CTAGE1: variants seen among roughly 807,000 people sequenced by gnomAD.
CTAGE1 encodes the protein cutaneous T cell lymphoma-associated antigen 1, also known as cTAGE family member 2.
For missense variants in CTAGE1, 963 were observed against 855.9 expected (o/e 1.13, Z -1.56); for synonymous variants, 332 against 302.8 (o/e 1.10, Z -1.00).
At position 22,416,537 on chromosome 18, in the gene CTAGE1, A is replaced by G. The variant is rs2035017467; in HGVS notation, c.1275T>C (p.His425=). ...IHFYQKKIIL[H]EKKAHDNWSA... is the part of the protein sequence containing the mutation. ...ACCAATTATCATGTGCTTTTTTCTCATGGAGAATAATCTTCTTTTGATAAA... is the reference window on the plus strand; with the variant it reads ...ACCAATTATCATGTGCTTTTTTCTCGTGGAGAATAATCTTCTTTTGATAAA... The change falls in exon 1 of 1, where the codon CAT becomes CAC. Residue 425 remains histidine (H), a synonymous_variant. Transcript: ENST00000391403. 2 of 1,611,824 alleles carry G rather than the reference A, an allele frequency of 1.2e-6. No homozygotes were observed. Among genetic ancestry groups the G allele is most frequent in the African/African-American group, 2.7e-5 (2 of 74,712 alleles).
At position 22,414,743 on chromosome 18, in the gene CTAGE1, G is replaced by T. The variant is rs1295649923; in HGVS notation, c.*831C>A. On this transcript the variant is annotated 3_prime_UTR_variant, in exon 1 of 1. Coordinates refer to ENST00000391403, the MANE Select transcript of CTAGE1 (RefSeq NM_172241.3). ...GTTGGGAAAGAAGTCAGGAGAAACT[G>T]ATCTATATAATTCTGGGGCAAGTAA... is the stretch of plus-strand genomic sequence containing the variant. 1 of 703,004 alleles carries T rather than the reference G, an allele frequency of 1.4e-6. No individual in the cohort carries two copies. Among genetic ancestry groups the T allele is most frequent in the East Asian group, 2.7e-5 (1 of 37,276 alleles). 43.5% of individuals were successfully genotyped at this position (703,004 alleles called of 1,614,324 possible). A position where few individuals can be genotyped will look rare whatever the true frequency, so the allele number is the denominator to read the frequency against.
Position 22,417,497 on chromosome 18 carries a change from G to T in CTAGE1, c.315C>A (p.Asn105Lys). The part of the protein sequence containing the change: ...QSLEATCEKL[N>K]RFNSELVHEI... ...CATGCACAAGTTCAGAATTGAACCT[G>T]TTCAGCTTTTCGCAGGTTGCCTCCA... Residue 105 changes from asparagine (N) to lysine (K), a missense_variant, in exon 1 of 1, where the codon AAC (asparagine) becomes AAA (lysine). Coordinates refer to ENST00000391403, the MANE Select transcript of CTAGE1 (RefSeq NM_172241.3). 6.2e-7 allele frequency: 1 copy of T among 1,613,974 alleles called. No individual in the cohort carries two copies. The highest frequency in any genetic ancestry group is 8.5e-7 in the Non-Finnish European group (1 of 1,179,866).
In CTAGE1 at chr18:22,416,629, T is replaced by G. The variant is rs774800585; in HGVS notation, c.1183A>C (p.Thr395Pro). 1.2e-6 allele frequency: 2 copies of G among 1,613,776 alleles called. No homozygotes were observed. Among genetic ancestry groups the G allele is most frequent in the Admixed American group, 3.3e-5 (2 of 59,950 alleles). Residue 395 changes from threonine to proline, a missense_variant, in exon 1 of 1, where the codon ACT becomes CCT. By Grantham distance (38) the Thr-to-Pro change is conservative. Coordinates refer to ENST00000391403, the MANE Select transcript of CTAGE1 (RefSeq NM_172241.3). Reference protein sequence around the residue: ...SKVDEMISHATEELETYRKRA... With the variant: ...SKVDEMISHAPEELETYRKRA... ...TTTCGGTAGGTCTCCAGCTCTTCAG[T>G]GGCATGGCTGATCATTTCGTCTACT...
rs1361812200 is a variant in CTAGE1, at chr18:22,414,633, T to C, written c.*941A>G. The C allele has an allele frequency of 4.3e-6, 3 of 700,234 alleles. No homozygotes were observed. The highest frequency in any genetic ancestry group is 2.3e-4 in the Middle Eastern group (1 of 4,314). 43.4% of individuals were successfully genotyped at this position (700,234 alleles called of 1,614,324 possible). ...ATTCACCAACTGCAATTAAGCACTA[T>C]CTTAGATTTACTCCTTCCCCTTGCC... On this transcript the variant is annotated 3_prime_UTR_variant, in exon 1 of 1. Coordinates refer to ENST00000391403, the MANE Select transcript of CTAGE1 (RefSeq NM_172241.3).
In CTAGE1 at chr18:22,414,934, A is replaced by G; in HGVS notation, c.*640T>C. 1.6e-6 allele frequency: 1 copy of G among 634,304 alleles called. No individual in the cohort carries two copies. Among genetic ancestry groups the G allele is most frequent in the Non-Finnish European group, 2.8e-6 (1 of 358,672 alleles). The allele number at this position is 634,304 out of a possible 1,614,324, so 39.3% of individuals were successfully genotyped here. On this transcript the variant is annotated 3_prime_UTR_variant, in exon 1 of 1. Coordinates refer to ENST00000391403, the MANE Select transcript of CTAGE1 (RefSeq NM_172241.3). ...CATTCTTGAGGAAAACAGAGGAAAC[A>G]CGAATACTTTCTGCTATAAATGTTT... is the stretch of plus-strand genomic sequence containing the variant.
In CTAGE1 at chr18:22,414,313, G is replaced by A. The variant is rs187605329; in HGVS notation, c.*1261C>T. On this transcript the variant is annotated 3_prime_UTR_variant, in exon 1 of 1. Coordinates refer to ENST00000391403, the MANE Select transcript of CTAGE1 (RefSeq NM_172241.3). Reference sequence around the variant, plus strand: ...GGATAGTGGTGGTTCAAGGGAAGACGGAAAATGTATAGGAAGCCCCAGTGT... The same window carrying A: ...GGATAGTGGTGGTTCAAGGGAAGACAGAAAATGTATAGGAAGCCCCAGTGT... 4 of 201,614 alleles carry A rather than the reference G, an allele frequency of 2.0e-5. No individual in the cohort carries two copies. Among genetic ancestry groups the A allele is most frequent in the South Asian group, 1.4e-4 (1 of 7,032 alleles). The allele number at this position is 201,614 out of a possible 1,614,324, so 12.5% of individuals were successfully genotyped here. A position where few individuals can be genotyped will look rare whatever the true frequency, so the allele number is the denominator to read the frequency against.
At position 22,415,880 on chromosome 18, in the gene CTAGE1, C is replaced by T. The variant is rs770937924; in HGVS notation, c.1932G>A (p.Val644=). ...TTTCAGCGGGGAGAGATGAATCAGG[C>T]ACCTTTAAATTACCAAGATTATCTT... The part of the protein sequence containing the change: ...DTKDNLGNLK[V]PDSSLPAENE... The change falls in exon 1 of 1, where the codon GTG becomes GTA. Residue 644 remains valine, a synonymous_variant. Coordinates refer to ENST00000391403, the MANE Select transcript of CTAGE1 (RefSeq NM_172241.3). 9.9e-6 allele frequency: 16 copies of T among 1,613,754 alleles called. 1 individual carries two copies. Among genetic ancestry groups the T allele is most frequent in the South Asian group, 4.4e-5 (4 of 91,068 alleles).
At position 22,415,901 on chromosome 18, in the gene CTAGE1, A is replaced by G; in HGVS notation, c.1911T>C (p.Asp637=). Residue 637 remains aspartate (D), a synonymous_variant, in exon 1 of 1, where the codon GAT becomes GAC. Coordinates refer to ENST00000391403, the MANE Select transcript of CTAGE1 (RefSeq NM_172241.3). The part of the protein sequence containing the change: ...EMESSRNDTK[D]NLGNLKVPDS... The stretch of plus-strand genomic sequence containing the variant: ...CAGGCACCTTTAAATTACCAAGATT[A>G]TCTTTGGTATCATTTCTACTGGATT... 1.2e-6 allele frequency: 2 copies of G among 1,613,972 alleles called. No individual in the cohort carries two copies. The highest frequency in any genetic ancestry group is 1.7e-4 in the Middle Eastern group (1 of 6,056).
chr18:22,414,935 C>T lies in CTAGE1; in HGVS notation c.*639G>A, dbSNP rs186641739. ...ATTCTTGAGGAAAACAGAGGAAACA[C>T]GAATACTTTCTGCTATAAATGTTTT... On this transcript the variant is annotated 3_prime_UTR_variant, in exon 1 of 1. Transcript: ENST00000391403. The T allele has an allele frequency of 6.0e-5, 38 of 631,172 alleles. No homozygotes were observed. The highest frequency in any genetic ancestry group is 3.5e-4 in the African/African-American group (19 of 54,526). 39.1% of individuals were successfully genotyped at this position (631,172 alleles called of 1,614,324 possible). A position where few individuals can be genotyped will look rare whatever the true frequency, so the allele number is the denominator to read the frequency against.
chr18:22,416,251 G>T lies in CTAGE1; in HGVS notation c.1561C>A (p.Pro521Thr). ...EGPLRLSPLL[P>T]RGGGRGSRGP... ...CTGGAGCCTCTTCCTCCTCCCCGTG[G>T]AAGCAAAGGTGAGAGTCTGAGAGGA... Residue 521 changes from proline (P) to threonine (T), a missense_variant, in exon 1 of 1, where the codon CCA becomes ACA. Pro to Thr is a conservative substitution (Grantham distance 38). Transcript: ENST00000391403. 6.2e-7 allele frequency: 1 copy of T among 1,613,944 alleles called. No individual in the cohort carries two copies. The highest frequency in any genetic ancestry group is 8.5e-7 in the Non-Finnish European group (1 of 1,179,862).
chr18:22,415,697 A>T lies in CTAGE1; in HGVS notation c.2115T>A (p.Ser705=), dbSNP rs369124750. Residue 705 remains serine (S), a synonymous_variant, in exon 1 of 1, where the codon TCT becomes TCA. Coordinates refer to ENST00000391403, the MANE Select transcript of CTAGE1 (RefSeq NM_172241.3). ...GTGGTGGACCTGGGACATCCCTTGG[A>T]GAAAAATAATCTGGAGAAGCTCCAA... is the stretch of plus-strand genomic sequence containing the variant. ...TVFGASPDYF[S]PRDVPGPPRA... 84 of 1,614,024 alleles carry T rather than the reference A, an allele frequency of 5.2e-5. No individual in the cohort carries two copies. The highest frequency in any genetic ancestry group is 1.6e-4 in the Middle Eastern group (1 of 6,082).
rs368997111 is a variant in CTAGE1, at chr18:22,416,601, C to T, written c.1211G>A (p.Arg404Gln). ...CTCAAATTCTTTAAGATCTTTGGCT[C>T]GCTTTCGGTAGGTCTCCAGCTCTTC... Reference protein sequence around the residue: ...ATEELETYRKRAKDLKEFEKT... With the variant: ...ATEELETYRKQAKDLKEFEKT... The change falls in exon 1 of 1, where the codon CGA becomes CAA. Residue 404 changes from arginine (R) to glutamine (Q), a missense_variant. Physicochemically the swap from Arg to Gln is conservative, Grantham distance 43. Transcript: ENST00000391403. The T allele has an allele frequency of 6.8e-6, 11 of 1,610,712 alleles. No homozygotes were observed. Among genetic ancestry groups the T allele is most frequent in the South Asian group, 4.5e-5 (4 of 89,552 alleles).
chr18:22,415,607 T>A lies in CTAGE1; in HGVS notation c.2205A>T (p.Arg735Ser). 6.2e-7 allele frequency: 1 copy of A among 1,609,296 alleles called. No individual in the cohort carries two copies. The highest frequency in any genetic ancestry group is 8.5e-7 in the Non-Finnish European group (1 of 1,177,116). The change falls in exon 1 of 1, where the codon AGA becomes AGT. Residue 735 changes from arginine (R) to serine (S), a missense_variant. Arg to Ser is a moderately radical substitution (Grantham distance 110). Coordinates refer to ENST00000391403, the MANE Select transcript of CTAGE1 (RefSeq NM_172241.3). ...PRGFLPYRPPRPAFFPPAPTF is the reference protein window; with the variant it reads ...PRGFLPYRPPSPAFFPPAPTF ...TGGGGGCTGGGGGGAAAAATGCAGG[T>A]CTTGGGGGACGGTAAGGAAGAAAAC...
Position 22,414,861 on chromosome 18 carries a change from A to G in CTAGE1, c.*713T>C, listed in dbSNP as rs1174167508. 1.4e-6 allele frequency: 1 copy of G among 697,598 alleles called. No homozygotes were observed. Among genetic ancestry groups the G allele is most frequent in the Non-Finnish European group, 2.6e-6 (1 of 383,766 alleles). 43.2% of individuals were successfully genotyped at this position (697,598 alleles called of 1,614,324 possible). On this transcript the variant is annotated 3_prime_UTR_variant, in exon 1 of 1. Coordinates refer to ENST00000391403, the MANE Select transcript of CTAGE1 (RefSeq NM_172241.3). ...ATGATATGATGACAAACATAGGAAGAAATTAGCTTAGGGAAGACGAAGGGA... is the reference window on the plus strand; with the variant it reads ...ATGATATGATGACAAACATAGGAAGGAATTAGCTTAGGGAAGACGAAGGGA...
At position 22,416,509 on chromosome 18, in the gene CTAGE1, C is replaced by T. The variant is rs1415494859; in HGVS notation, c.1303G>A (p.Ala435Thr). The T allele has an allele frequency of 6.2e-7, 1 of 1,613,946 alleles. No individual in the cohort carries two copies. Among genetic ancestry groups the T allele is most frequent in the South Asian group, 1.1e-5 (1 of 91,010 alleles). ...AGGTTTCTTTCAGCAGTCCAAGCTG[C>T]CGACCAATTATCATGTGCTTTTTTC... ...HEKKAHDNWS[A>T]AWTAERNLND... is the part of the protein sequence containing the mutation. The change falls in exon 1 of 1, where the codon GCA becomes ACA. Residue 435 changes from alanine (A) to threonine (T), a missense_variant. By Grantham distance (58) the Ala-to-Thr change is moderately conservative. Coordinates refer to ENST00000391403, the MANE Select transcript of CTAGE1 (RefSeq NM_172241.3).
In CTAGE1 at chr18:22,415,973, A is replaced by T; in HGVS notation, c.1839T>A (p.Asn613Lys). The change falls in exon 1 of 1, where the codon AAT (asparagine) becomes AAA (lysine). Residue 613 changes from asparagine to lysine, a missense_variant. Coordinates refer to ENST00000391403, the MANE Select transcript of CTAGE1 (RefSeq NM_172241.3). ...CATCCATTTTATCCAAAGAAGGCATATTAAAACTTCTGAGTTCTGCTGGTC... is the reference window on the plus strand; with the variant it reads ...CATCCATTTTATCCAAAGAAGGCATTTTAAAACTTCTGAGTTCTGCTGGTC... Reference protein sequence around the residue: ...LSGPAELRSFNMPSLDKMDGS... With the variant: ...LSGPAELRSFKMPSLDKMDGS... 1.9e-6 allele frequency: 3 copies of T among 1,613,984 alleles called. No homozygotes were observed. The highest frequency in any genetic ancestry group is 1.7e-6 in the Non-Finnish European group (2 of 1,179,874).
chr18:22,416,035 G>T lies in CTAGE1; in HGVS notation c.1777C>A (p.Gln593Lys). Residue 593 changes from glutamine to lysine, a missense_variant, in exon 1 of 1, where the codon CAA (glutamine) becomes AAA (lysine). Physicochemically the swap from Gln to Lys is moderately conservative, Grantham distance 53 (BLOSUM62 1). Coordinates refer to ENST00000391403, the MANE Select transcript of CTAGE1 (RefSeq NM_172241.3). ...YPDSALPPQR[Q>K]DRFYSNCARL... ...GCACAATTAGAATAAAATCTGTCTT[G>T]CCTTTGTGGAGGGAGAGCTGAATCA... The T allele has an allele frequency of 3.1e-6, 5 of 1,613,938 alleles. No homozygotes were observed. The highest frequency in any genetic ancestry group is 1.3e-5 in the African/African-American group (1 of 75,040).
Position 22,415,165 on chromosome 18 carries a change from T to C in CTAGE1, c.*409A>G, listed in dbSNP as rs77640581. The C allele has an allele frequency of 6.8e-5, 15 of 219,442 alleles. No individual in the cohort carries two copies. Among genetic ancestry groups the C allele is most frequent in the African/African-American group, 1.1e-4 (5 of 43,912 alleles). The allele number at this position is 219,442 out of a possible 1,614,324, so 13.6% of individuals were successfully genotyped here. On this transcript the variant is annotated 3_prime_UTR_variant, in exon 1 of 1. Coordinates refer to ENST00000391403, the MANE Select transcript of CTAGE1 (RefSeq NM_172241.3). The stretch of plus-strand genomic sequence containing the variant: ...GCATAAAGTTACTTTCACATTTGTC[T>C]ACAACCACAGTAAATACAGTTCTTG...
rs2034992788 is a variant in CTAGE1, at chr18:22,414,987, A to G, written c.*587T>C. ...CACTCTCAAAGTACTGAAAGAGGAT[A>G]TAAAATCTATAAGACAGGAGATCCA... On this transcript the variant is annotated 3_prime_UTR_variant, in exon 1 of 1. Transcript: ENST00000391403. 1.7e-6 allele frequency: 1 copy of G among 592,448 alleles called. No individual in the cohort carries two copies. The highest frequency in any genetic ancestry group is 3.1e-5 in the Admixed American group (1 of 32,540). The allele number at this position is 592,448 out of a possible 1,614,324, so 36.7% of individuals were successfully genotyped here.
Sources: allele counts gnomAD v4.1 joint callset, GRCh38; gene constraint gnomAD v4.1.1; transcripts MANE v1.5; gene names NCBI Gene and HGNC (gene_info 2026-07-23, HGNC 2026-07-21).